Variants in RAB21 observed in about 807,000 individuals in gnomAD.
RAB21 encodes the protein RAB21, member RAS oncogene family.
In RAB21, 13 loss-of-function variants were observed where a neutral mutation model predicts 33.1. The ratio of observed to expected loss-of-function variants is 0.39; its 90% CI spans 0.26 to 0.62. The LOEUF is 0.62. Ranked by LOEUF, RAB21 falls within the 20% of genes least tolerant of loss-of-function variation. The probability of loss-of-function intolerance (pLI) is 0.48; values close to 1 mark genes in which losing one functional copy is unlikely to be tolerated. For missense variants in RAB21, 234 were observed against 279.1 expected (o/e 0.84, Z 1.15); for synonymous variants, 91 against 103.7 (o/e 0.88, Z 0.74).
At chr12:71,776,844 G>A (rs185369618) in intron 4 of RAB21, among the ~76,000 whole-genome samples, 1 of 152,104 alleles carries the variant, frequency 6.6e-6, no homozygotes, top group Middle Eastern at 3.2e-3. Context: ...CTATGGATGG[G>A]ACTAAGAATT....
intron 3 of RAB21, among the ~76,000 whole-genome samples, chr12:71,771,615 G>A (rs1338517478): frequency 1.3e-5 from 2 of 152,240 alleles, no homozygotes; most frequent in East Asian, 3.9e-4. Context: ...AGTTATTTTG[G>A]TGCTGCTGTT....
At chr12:71,768,996 A>G (rs539091004) in intron 1 of RAB21, among the ~76,000 whole-genome samples, 1 of 152,270 alleles carries the variant, frequency 6.6e-6, no homozygotes, top group African/African-American at 2.4e-5. Context: ...GAGACCCACA[A>G]GGTAAAGTCC....
At position 71,789,951 on chromosome 12, in the gene RAB21, T is replaced by G. The variant is rs1009910523; in HGVS notation, c.*4278T>G. The G allele has an allele frequency of 1.1e-4, 17 of 152,074 alleles. No individual in the cohort carries two copies. Among genetic ancestry groups the G allele is most frequent in the African/African-American group, 4.1e-4 (17 of 41,416 alleles). 9.4% of individuals were successfully genotyped at this position (152,074 alleles called of 1,614,324 possible). ...AAAAATTTAGAAATACTCCTAAGAG[T>G]TTTCAATTTCAAGCAGAAATGCTTC... On this transcript the variant is annotated 3_prime_UTR_variant, in exon 7 of 7. Transcript: ENST00000261263.
At chr12:71,766,849 A>C (rs1882968839) in intron 1 of RAB21, among the ~76,000 whole-genome samples, 1 of 152,146 alleles carries the variant, frequency 6.6e-6, no homozygotes, top group African/African-American at 2.4e-5. Context: ...TATAAGTTGG[A>C]GAATAAGTAA....
chr12:71,782,274 T>A (rs1056446408), intron 5 of RAB21, 189 bp downstream of exon 5: 14 of 577,720 alleles, frequency 2.4e-5, no homozygotes, highest in Non-Finnish European at 3.9e-5. Context: ...CTTTTTGACT[T>A]CAGTGAAAAA....
chr12:71,774,453 G>A (rs577951384), intron 4 of RAB21, among the ~76,000 whole-genome samples: 2 of 151,616 alleles, frequency 1.3e-5, no homozygotes, highest in South Asian at 4.2e-4. Context: ...GTGATACAGT[G>A]AGATTCCATC....
chr12:71,755,330 T>C (rs559743977), intron 1 of RAB21, 42 bp downstream of exon 1: 3 of 1,458,494 alleles, frequency 2.1e-6, no homozygotes, highest in South Asian at 2.8e-5. Flanking sequence ...TCAGGGCCCC[T>C]ACCCCTCCGG....
At chr12:71,762,998 T>G (rs1882900465) in intron 1 of RAB21, among the ~76,000 whole-genome samples, 1 of 152,046 alleles carries the variant, frequency 6.6e-6, no homozygotes, top group Admixed American at 6.6e-5. Context: ...CTTTACTCAT[T>G]TATTTTTTTA....
chr12:71,796,409 C>T lies in RAB21; in HGVS notation c.*10736C>T, dbSNP rs1019238144. 1.5e-5 allele frequency: 2 copies of T among 137,282 alleles called. No individual in the cohort carries two copies. The highest frequency in any genetic ancestry group is 3.0e-5 in the Non-Finnish European group (2 of 65,950). The allele number at this position is 137,282 out of a possible 1,614,324, so 8.5% of individuals were successfully genotyped here. Reference sequence around the variant, plus strand: ...AAAGATTAACTTAGAGGTTAGAATGCTTACATTTGCAAATAGCCTGAGGAA... The same window carrying T: ...AAAGATTAACTTAGAGGTTAGAATGTTTACATTTGCAAATAGCCTGAGGAA... On this transcript the variant is annotated 3_prime_UTR_variant, in exon 7 of 7. Transcript: ENST00000261263.
chr12:71,789,883 A>C lies in RAB21; in HGVS notation c.*4210A>C, dbSNP rs1592653309. ...AAGAAAACAGTTGCAATTTTGAGCA[A>C]AATTTTCCTAGTTGTAATATTTTAA... is the stretch of plus-strand genomic sequence containing the variant. On this transcript the variant is annotated 3_prime_UTR_variant, in exon 7 of 7. Transcript: ENST00000261263. The C allele has an allele frequency of 3.3e-5, 5 of 152,288 alleles. No individual in the cohort carries two copies. The South Asian group carries it at 8.3e-4, about 25-fold the overall frequency. 9.4% of individuals were successfully genotyped at this position (152,288 alleles called of 1,614,324 possible).
chr12:71,780,029 A>G (rs1206008710), intron 4 of RAB21, among the ~76,000 whole-genome samples: 1 of 152,234 alleles, frequency 6.6e-6, no homozygotes, highest in Non-Finnish European at 1.5e-5. Context: ...ATTCAAAGAA[A>G]TAATAGTTAT....
chr12:71,774,628 G>C (rs1565890662), intron 4 of RAB21, among the ~76,000 whole-genome samples: 1 of 146,992 alleles, frequency 6.8e-6, no homozygotes, highest in Admixed American at 6.8e-5. Flanking sequence ...GTGGTGGCGG[G>C]CACCTATAAT....
chr12:71,789,707 T>G lies in RAB21; in HGVS notation c.*4034T>G, dbSNP rs537984428. ...GGCTTTAATAGTTAAAAGCTGGAATTTATTGAACCGCATCTACTTGATTTC... is the reference window on the plus strand; with the variant it reads ...GGCTTTAATAGTTAAAAGCTGGAATGTATTGAACCGCATCTACTTGATTTC... On this transcript the variant is annotated 3_prime_UTR_variant, in exon 7 of 7. Transcript: ENST00000261263. 2.6e-5 allele frequency: 4 copies of G among 152,270 alleles called. No individual in the cohort carries two copies. The South Asian group carries it at 8.3e-4, about 32-fold the overall frequency. 9.4% of individuals were successfully genotyped at this position (152,270 alleles called of 1,614,324 possible). A position where few individuals can be genotyped will look rare whatever the true frequency, so the allele number is the denominator to read the frequency against.
intron 5 of RAB21, 71 bp downstream of exon 5, chr12:71,782,156 A>G (rs1372666276): frequency 1.0e-5 from 14 of 1,381,678 alleles, no homozygotes; most frequent in Non-Finnish European, 1.4e-5. Context: ...GTTTTGCTTT[A>G]CCATTTAGGT....
chr12:71,782,776 G>T, intron 6 of RAB21, 118 bp downstream of exon 6: 1 of 650,958 alleles, frequency 1.5e-6, no homozygotes, highest in Non-Finnish European at 2.5e-6. Flanking sequence ...TTAAACTATT[G>T]ACTATTGGTA....
At chr12:71,764,932 T>C (rs1365213207) in intron 1 of RAB21, among the ~76,000 whole-genome samples, 1 of 152,206 alleles carries the variant, frequency 6.6e-6, no homozygotes, top group African/African-American at 2.4e-5. Flanking sequence ...GCATGTGTCT[T>C]TTTCATATGA....
chr12:71,768,626 T>C (rs1006549712), intron 1 of RAB21, among the ~76,000 whole-genome samples: 1 of 152,200 alleles, frequency 6.6e-6, no homozygotes, highest in African/African-American at 2.4e-5. Context: ...CCTCCCTTCC[T>C]ATCCCAGGGT....
chr12:71,763,400 A>G (rs1882909084), intron 1 of RAB21, among the ~76,000 whole-genome samples: 1 of 152,110 alleles, frequency 6.6e-6, no homozygotes. Flanking sequence ...TTTGGCAGAT[A>G]TATTTTTTCC....
chr12:71,769,388 G>C lies in RAB21; in HGVS notation c.160-412G>C, dbSNP rs930732828. ...TAAACAATTGAGTTATGAAGTAACT[G>C]TGGAATCATTTTGAATAATATTGAT... On this transcript the variant is annotated intron_variant, in intron 1 of 6. Coordinates refer to ENST00000261263, the MANE Select transcript of RAB21 (RefSeq NM_014999.4). Among the ~76,000 whole-genome samples, 8 of 152,254 alleles carry C rather than the reference G, an allele frequency of 5.3e-5. No individual in the cohort carries two copies. In the South Asian group the frequency reaches 1.0e-3, roughly 20 times the overall value.
Sources: gnomAD v4.1 joint callset for allele counts (sites outside exome capture counted in the v4.1 genomes callset) on GRCh38, gnomAD v4.1.1 for gene constraint, MANE v1.5 for transcripts, NCBI Gene and HGNC (gene_info 2026-07-23, HGNC 2026-07-21) for gene names.